TBCK: variants seen among roughly 807,000 people sequenced by gnomAD.
The protein encoded by TBCK is TBC1 domain containing kinase, also known as TBC domain-containing protein kinase-like protein.
TBCK carries 99 observed loss-of-function variants against 113.4 expected under a neutral mutation model. The observed-to-expected ratio is 0.87, with a 90% confidence interval of 0.74 to 1.03. The LOEUF (loss-of-function observed/expected upper bound fraction) is 1.03, where lower values mean the gene tolerates loss of function less well. TBCK is among the 50% of genes least tolerant of loss of function. The probability of loss-of-function intolerance (pLI) is 0.00; values close to 1 mark genes in which losing one functional copy is unlikely to be tolerated. For synonymous variants in TBCK, 369 were observed against 370.8 expected (o/e 1.00, Z 0.05); for missense variants, 1,045 against 1,061.3 (o/e 0.98, Z 0.21).
intron 23 of TBCK, among the ~76,000 whole-genome samples, chr4:106,154,908 C>T (rs1748946987): frequency 6.6e-6 from 1 of 151,810 alleles, no homozygotes; most frequent in Admixed American, 6.6e-5. Flanking sequence ...ACCAGAGTCA[C>T]AGTGTGATAA....
chr4:106,072,833 C>T (rs546500377), intron 25 of TBCK, among the ~76,000 whole-genome samples: 23 of 152,218 alleles, frequency 1.5e-4, no homozygotes, highest in Middle Eastern at 3.4e-3. Flanking sequence ...CTTCTCTCTT[C>T]ATTTCATTAA....
At position 106,193,782 on chromosome 4, in the gene TBCK, T is replaced by C. The variant is rs1560797035; in HGVS notation, c.1898-12A>G. ...TAGTGGAAATACATCTGTAAAACGA[T>C]AAAAATACAAATAAATTAAAAAACC... On this transcript the variant is annotated splice_polypyrimidine_tract_variant and intron_variant, in intron 21 of 25. Coordinates refer to ENST00000394708, the MANE Select transcript of TBCK (RefSeq NM_001163435.3). 6.6e-7 allele frequency: 1 copy of C among 1,506,342 alleles called. No individual in the cohort carries two copies. The highest frequency in any genetic ancestry group is 8.9e-7 in the Non-Finnish European group (1 of 1,126,700). 93.3% of individuals were successfully genotyped at this position (1,506,342 alleles called of 1,614,324 possible). A position where few individuals can be genotyped will look rare whatever the true frequency, so the allele number is the denominator to read the frequency against.
At chr4:106,242,675 T>A (rs1400145798) in intron 11 of TBCK, 106 bp from the exon 12 acceptor site, 2 of 653,074 alleles carry the variant, frequency 3.1e-6, no homozygotes, top group Admixed American at 6.6e-5. Context: ...CAAAAAAGAA[T>A]TAAACTTTAG....
intron 20 of TBCK, among the ~76,000 whole-genome samples, 175 bp downstream of exon 20, chr4:106,212,575 A>G (rs1190917848): frequency 2.6e-5 from 4 of 152,208 alleles, no homozygotes; most frequent in Non-Finnish European, 4.4e-5. Flanking sequence ...TCATTACTTA[A>G]GGTGGAAATA....
intron 23 of TBCK, among the ~76,000 whole-genome samples, chr4:106,168,765 A>G (rs1422096693): frequency 6.6e-6 from 1 of 152,002 alleles, no homozygotes; most frequent in African/African-American, 2.4e-5. Context: ...ATACTTAGAT[A>G]TAAGTCTAAC....
At chr4:106,214,045 A>G (rs1214453527) in intron 19 of TBCK, among the ~76,000 whole-genome samples, 3 of 152,164 alleles carry the variant, frequency 2.0e-5, no homozygotes, top group East Asian at 1.9e-4. Context: ...TGCCCCCTCA[A>G]GTGGGTCCCT....
chr4:106,276,826 C>T (rs570018605), intron 3 of TBCK, among the ~76,000 whole-genome samples: 16 of 151,902 alleles, frequency 1.1e-4, no homozygotes, highest in South Asian at 2.1e-4. Flanking sequence ...ACCCAGGAGG[C>T]GGTGCAGTTC....
At chr4:106,185,129 ATGAT>A (rs1752867176) in intron 22 of TBCK, among the ~76,000 whole-genome samples, 1 of 152,094 alleles carries the variant, frequency 6.6e-6, no homozygotes, top group South Asian at 2.1e-4. Flanking sequence ...CAGTTTTCGT[ATGAT>A]TGATAATTTG....
chr4:106,298,479 CA>C (rs1238775421), intron 2 of TBCK, among the ~76,000 whole-genome samples: 3 of 150,630 alleles, frequency 2.0e-5, no homozygotes, highest in Non-Finnish European at 4.4e-5. Flanking sequence ...GGCGTGGTGG[CA>C]GGTGCCTGTA....
intron 23 of TBCK, among the ~76,000 whole-genome samples, chr4:106,154,709 G>A (rs1027366419): frequency 1.3e-5 from 2 of 152,102 alleles, no homozygotes; most frequent in African/African-American, 2.4e-5. Context: ...TGAGGCCTCC[G>A]CAAAGGCAGA....
At chr4:106,225,150 T>C (rs1038546803) in intron 19 of TBCK, among the ~76,000 whole-genome samples, 1 of 152,164 alleles carries the variant, frequency 6.6e-6, no homozygotes, top group Admixed American at 6.5e-5. Context: ...CTAAATTAAT[T>C]GAAACTGTTT....
intron 19 of TBCK, among the ~76,000 whole-genome samples, chr4:106,225,520 C>T (rs1444139531): frequency 3.3e-5 from 5 of 152,002 alleles, no homozygotes; most frequent in Admixed American, 6.5e-5. Flanking sequence ...AGTGCAGTGG[C>T]GCAATCTCGG....
At chr4:106,166,919 T>G (rs971312696) in intron 23 of TBCK, among the ~76,000 whole-genome samples, 1 of 150,428 alleles carries the variant, frequency 6.6e-6, no homozygotes, top group Non-Finnish European at 1.5e-5. Context: ...CAATAAAGAG[T>G]ATAAAAAACG....
chr4:106,066,829 T>G (rs567752797), intron 25 of TBCK, among the ~76,000 whole-genome samples: 3 of 152,134 alleles, frequency 2.0e-5, no homozygotes, highest in Non-Finnish European at 4.4e-5. Context: ...ACATGGTTCA[T>G]TCACTCTGCA....
intron 23 of TBCK, among the ~76,000 whole-genome samples, chr4:106,121,320 C>G (rs1744335350): frequency 6.7e-6 from 1 of 149,730 alleles, no homozygotes. Context: ...ACAAGAAGAG[C>G]TAACTATCCT....
intron 19 of TBCK, among the ~76,000 whole-genome samples, chr4:106,224,540 A>C (rs35712118): frequency 0.011 from 1,652 of 152,294 alleles, 18 homozygotes; most frequent in Non-Finnish European, 0.017. Flanking sequence ...TAAAGCTTAA[A>C]ACTCTACAAA....
intron 19 of TBCK, among the ~76,000 whole-genome samples, chr4:106,220,628 C>T (rs527665214): frequency 6.6e-6 from 1 of 152,046 alleles, no homozygotes; most frequent in East Asian, 1.9e-4. Flanking sequence ...AAAAAAGATA[C>T]TCAAGTAATA....
At chr4:106,090,521 C>T (rs531288683) in intron 25 of TBCK, among the ~76,000 whole-genome samples, 62 of 152,160 alleles carry the variant, frequency 4.1e-4, no homozygotes, top group Non-Finnish European at 6.6e-4. Context: ...TGCTCTGTAG[C>T]CTGCTTGGAT....
At chr4:106,304,023 C>T (rs192839660) in intron 2 of TBCK, among the ~76,000 whole-genome samples, 1 of 152,258 alleles carries the variant, frequency 6.6e-6, no homozygotes, top group East Asian at 1.9e-4. Flanking sequence ...GTTCTCCTTT[C>T]ATAAATATTC....
Sources: allele counts gnomAD v4.1 joint callset (sites outside exome capture counted in the v4.1 genomes callset), GRCh38; gene constraint gnomAD v4.1.1; transcripts MANE v1.5; gene names NCBI Gene and HGNC (gene_info 2026-07-23, HGNC 2026-07-21).